Variants in PREX2 observed in about 807,000 individuals in gnomAD.
PREX2 encodes phosphatidylinositol-3,4,5-trisphosphate dependent Rac exchange factor 2.
A neutral mutation model predicts 203.2 loss-of-function variants in PREX2; 107 were observed. The ratio of observed to expected loss-of-function variants is 0.53; its 90% CI spans 0.45 to 0.62. The LOEUF (loss-of-function observed/expected upper bound fraction) is 0.62. Ranked by LOEUF, PREX2 falls within the 20% of genes least tolerant of loss-of-function variation. The pLI, the probability that PREX2 is intolerant of heterozygous loss-of-function variation, is 0.00. For synonymous variants in PREX2, 672 were observed against 663.6 expected, an observed-to-expected ratio of 1.01 and a Z score of -0.19; for missense variants, 1,777 against 1,955.9, an observed-to-expected ratio of 0.91 and a Z score of 1.72.
At chr8:68,007,872 G>A (rs572917925) in intron 1 of PREX2, among the ~76,000 whole-genome samples, 48 of 152,208 alleles carry the variant, frequency 3.2e-4, no homozygotes, top group Non-Finnish European at 1.2e-4. Flanking sequence ...GCCTCCCAAA[G>A]TGCTGGGATT....
At position 68,192,402 on chromosome 8, in the gene PREX2, G is replaced by C. The variant is rs746308010; in HGVS notation, c.4481G>C (p.Arg1494Pro). The change falls in exon 37 of 40, where the codon CGC (arginine) becomes CCC (proline). Residue 1494 changes from arginine (R) to proline (P), a missense_variant. Physicochemically the swap from Arg to Pro is moderately radical, Grantham distance 103. Coordinates refer to ENST00000288368, the MANE Select transcript of PREX2 (RefSeq NM_024870.4). The stretch of plus-strand genomic sequence containing the variant: ...GTAGCCTCGTTTATCAGATCCAAGC[G>C]CACAGCTGCCTGTGCAAACACAGCT... Reference protein sequence around the residue: ...RLVASFIRSKRTAACANTACS... With the variant: ...RLVASFIRSKPTAACANTACS... The C allele has an allele frequency of 3.1e-6, 5 of 1,613,708 alleles. No individual in the cohort carries two copies. In the East Asian group the frequency reaches 1.1e-4, roughly 36 times the overall value.
intron 9 of PREX2, among the ~76,000 whole-genome samples, chr8:68,054,287 T>C (rs574196566): frequency 1.3e-5 from 2 of 152,228 alleles, no homozygotes; most frequent in South Asian, 4.2e-4. Context: ...TAGCAGTCAA[T>C]TCGAATAGCA....
chr8:68,175,639 A>G (rs984806162), intron 35 of PREX2, among the ~76,000 whole-genome samples: 26 of 152,266 alleles, frequency 1.7e-4, no homozygotes, highest in African/African-American at 6.0e-4. Context: ...CTGGTGTGAG[A>G]CTGTGAATCA....
At chr8:68,190,392 C>T (rs1736262315) in intron 35 of PREX2, among the ~76,000 whole-genome samples, 1 of 151,712 alleles carries the variant, frequency 6.6e-6, no homozygotes, top group Admixed American at 6.6e-5. Context: ...CTCAAAACGG[C>T]ATAATATGCA....
intron 1 of PREX2, among the ~76,000 whole-genome samples, chr8:68,007,895 C>T (rs1156514891): frequency 1.3e-5 from 2 of 152,222 alleles, no homozygotes; most frequent in Non-Finnish European, 2.9e-5. Flanking sequence ...AGGCATGAGC[C>T]ACCGCGCCCG....
intron 4 of PREX2, among the ~76,000 whole-genome samples, chr8:68,026,046 G>A (rs1426308218): frequency 6.6e-6 from 1 of 152,050 alleles, no homozygotes; most frequent in Non-Finnish European, 1.5e-5. Context: ...TTCCTCTGGG[G>A]GAAAATACCA....
intron 14 of PREX2, 56 bp from the exon 15 acceptor site, chr8:68,077,341 C>A: frequency 2.4e-6 from 3 of 1,250,302 alleles, no homozygotes; most frequent in Non-Finnish European, 3.5e-6. Context: ...TGGAGCAAAG[C>A]TGCCACAAAG....
intron 30 of PREX2, among the ~76,000 whole-genome samples, chr8:68,124,129 T>C (rs1810839709): frequency 6.6e-6 from 1 of 152,042 alleles, no homozygotes; most frequent in Non-Finnish European, 1.5e-5. Flanking sequence ...AATCAACAAA[T>C]GTGGTTCATC....
chr8:68,065,215 A>G (rs1228172560), intron 11 of PREX2, among the ~76,000 whole-genome samples: 1 of 152,208 alleles, frequency 6.6e-6, no homozygotes, highest in African/African-American at 2.4e-5. Context: ...AGGTTAGACT[A>G]CCACTTGTTT....
intron 35 of PREX2, among the ~76,000 whole-genome samples, chr8:68,169,598 C>T (rs1254059196): frequency 6.6e-6 from 1 of 152,124 alleles, no homozygotes; most frequent in Non-Finnish European, 1.5e-5. Context: ...CCAGTGAATT[C>T]CATATTATTA....
chr8:68,023,590 T>A (rs2129610323), intron 4 of PREX2, among the ~76,000 whole-genome samples: 1 of 152,284 alleles, frequency 6.6e-6, no homozygotes, highest in East Asian at 1.9e-4. Context: ...TAAAGTATCA[T>A]CTTTTAAAAT....
intron 35 of PREX2, among the ~76,000 whole-genome samples, chr8:68,189,480 TATCTCTTTCAG>T (rs1291170598): frequency 6.6e-6 from 1 of 152,218 alleles, no homozygotes; most frequent in Admixed American, 6.5e-5. Flanking sequence ...TCTCAGATTA[TATCTCTTTCAG>T]ATACTGGGGA....
At chr8:68,067,427 G>T (rs1311589130) in intron 11 of PREX2, among the ~76,000 whole-genome samples, 1 of 151,708 alleles carries the variant, frequency 6.6e-6, no homozygotes, top group African/African-American at 2.4e-5. Context: ...TTCTTTCATG[G>T]TTTATAGTTT....
chr8:68,115,718 G>GA, intron 25 of PREX2, 35 bp from the exon 26 acceptor site: 1 of 1,525,218 alleles, frequency 6.6e-7, no homozygotes, highest in Admixed American at 1.9e-5. Context: ...CAGACAGTTT[G>GA]AAAATGTGCA....
chr8:67,967,570 G>T (rs552391782), intron 1 of PREX2, among the ~76,000 whole-genome samples: 1 of 152,174 alleles, frequency 6.6e-6, no homozygotes, highest in Non-Finnish European at 1.5e-5. Context: ...AGGCTGAAAA[G>T]CTTCTGCTGG....
chr8:68,081,469 C>G (rs1809522590), intron 17 of PREX2, among the ~76,000 whole-genome samples: 1 of 152,140 alleles, frequency 6.6e-6, no homozygotes, highest in Non-Finnish European at 1.5e-5. Flanking sequence ...GTGGCTCATT[C>G]TTTGTCCCTG....
At chr8:68,050,993 T>C (rs967854178) in intron 8 of PREX2, among the ~76,000 whole-genome samples, 35 of 152,130 alleles carry the variant, frequency 2.3e-4, no homozygotes, top group Non-Finnish European at 1.3e-4. Context: ...TAAAGCGAAG[T>C]CTACATGTAG....
chr8:68,101,444 A>C (rs1341789401), intron 23 of PREX2: 2 of 518,922 alleles, frequency 3.9e-6, no homozygotes. Context: ...GTTACCTGCC[A>C]CATTTGTTAA....
At chr8:68,105,751 A>G in intron 23 of PREX2, 1 of 179,804 alleles carries the variant, frequency 5.6e-6, no homozygotes, top group Non-Finnish European at 1.0e-5. Context: ...ATATACATAT[A>G]TATGTATATA....
Sources: allele counts gnomAD v4.1 joint callset (sites outside exome capture counted in the v4.1 genomes callset), GRCh38; gene constraint gnomAD v4.1.1; transcripts MANE v1.5; gene names NCBI Gene and HGNC (gene_info 2026-07-23, HGNC 2026-07-21).